The following MAGI2 variants were observed in gnomAD, a reference collection of about 807,000 sequenced individuals.
MAGI2 encodes membrane associated guanylate kinase, WW and PDZ domain containing 2.
Under a neutral mutation model 133.3 loss-of-function variants are expected in MAGI2, and 35 were observed. The ratio of observed to expected loss-of-function variants is 0.26; its 90% CI spans 0.20 to 0.35. The LOEUF (loss-of-function observed/expected upper bound fraction) is 0.35, where lower values mean the gene tolerates loss of function less well. Among genes scored for constraint, MAGI2 ranks in the 10% least tolerant of loss-of-function variants. MAGI2 has a pLI of 1.00. For synonymous variants in MAGI2, 729 were observed against 710.6 expected (o/e 1.03, Z -0.41); for missense variants, 1,636 against 1,863.4 (o/e 0.88, Z 2.25).
intron 14 of MAGI2, among the ~76,000 whole-genome samples, chr7:78,175,974 T>G (rs1471089608): frequency 6.6e-6 from 1 of 152,150 alleles, no homozygotes; most frequent in Middle Eastern, 3.2e-3. Flanking sequence ...GTGCGTTAAA[T>G]GCTTACAGAT....
chr7:78,325,813 G>A (rs1056914797), intron 9 of MAGI2, among the ~76,000 whole-genome samples: 5 of 152,192 alleles, frequency 3.3e-5, no homozygotes, highest in African/African-American at 1.2e-4. Context: ...AGAACTAGAA[G>A]GGATGAGTCT....
chr7:78,918,526 A>G (rs4730569), intron 2 of MAGI2, among the ~76,000 whole-genome samples: 57,672 of 152,086 alleles, frequency 0.38, 13,095 homozygotes, highest in East Asian at 0.56. Flanking sequence ...TGCTCAATAA[A>G]CATTTAATGA....
At chr7:79,170,666 T>A (rs1825445040) in intron 1 of MAGI2, among the ~76,000 whole-genome samples, 1 of 152,244 alleles carries the variant, frequency 6.6e-6, no homozygotes, top group Non-Finnish European at 1.5e-5. Flanking sequence ...CATAGCTGAC[T>A]TAATTCAACA....
At chr7:78,255,804 T>G in intron 10 of MAGI2, 139 bp downstream of exon 10, 13 of 860,736 alleles carry the variant, frequency 1.5e-5, no homozygotes, top group Non-Finnish European at 2.0e-5. Context: ...AATTCATGTT[T>G]TTCTCTCTCA....
chr7:79,413,556 C>T (rs1229504632), intron 1 of MAGI2: 1 of 152,158 alleles, frequency 6.6e-6, no homozygotes, highest in Non-Finnish European at 1.5e-5. Context: ...GGGGACCCAC[C>T]ACTCCTTTAA....
intron 16 of MAGI2, among the ~76,000 whole-genome samples, chr7:78,142,416 C>T (rs2150560514): frequency 6.6e-6 from 1 of 152,126 alleles, no homozygotes; most frequent in Admixed American, 6.5e-5. Context: ...GGAAAGGAGC[C>T]AAAACAATCC....
chr7:79,071,860 G>A (rs150045320), intron 1 of MAGI2, among the ~76,000 whole-genome samples: 3 of 152,250 alleles, frequency 2.0e-5, no homozygotes, highest in East Asian at 1.9e-4. Context: ...TGCTAGTAGC[G>A]AAAATTTCAA....
chr7:79,298,444 A>T (rs1408500114), intron 1 of MAGI2, among the ~76,000 whole-genome samples: 1 of 152,166 alleles, frequency 6.6e-6, no homozygotes, highest in East Asian at 1.9e-4. Context: ...GAAAAACAAT[A>T]TTATGGCTGT....
At chr7:78,420,934 G>A (rs757319205) in intron 6 of MAGI2, among the ~76,000 whole-genome samples, 12 of 152,144 alleles carry the variant, frequency 7.9e-5, no homozygotes, top group East Asian at 1.9e-4. Context: ...AATAAAGTTC[G>A]AGTTGCACAG....
chr7:79,212,321 C>G lies in MAGI2; in HGVS notation c.302-205115G>C, dbSNP rs186983691. ...ATATAATCTTCAACAGATATTTTGG[C>G]TCATCTATTTTTTGCCAGCATGATT... is the stretch of plus-strand genomic sequence containing the variant. On this transcript the variant is annotated intron_variant, in intron 1 of 21. Coordinates refer to ENST00000354212, the MANE Select transcript of MAGI2 (RefSeq NM_012301.4). Among the ~76,000 whole-genome samples the G allele has an allele frequency of 9.9e-5, 15 of 152,064 alleles. 1 individual carries two copies. Among genetic ancestry groups the G allele is most frequent in the Admixed American group, 9.2e-4 (14 of 15,268 alleles).
chr7:78,742,880 C>G (rs1365681259), intron 2 of MAGI2, among the ~76,000 whole-genome samples: 3 of 152,172 alleles, frequency 2.0e-5, no homozygotes, highest in Non-Finnish European at 4.4e-5. Context: ...GATTGGGCTT[C>G]CCCACAGCAT....
In MAGI2 at chr7:78,019,967, G is replaced by T. The variant is rs1353220793; in HGVS notation, c.3716C>A (p.Ala1239Asp). ...GGCGGCAGCGGGAGAACTCCAGGGG[G>T]CGGGTTCGTCTGTGGACGGGAAGCA... is the stretch of plus-strand genomic sequence containing the variant. Reference protein sequence around the residue: ...TGQVPEYDEPAPWSSPAAAAP... With the variant: ...TGQVPEYDEPDPWSSPAAAAP... The change falls in exon 22 of 22, where the codon GCC (alanine) becomes GAC (aspartate). Residue 1239 changes from alanine (A) to aspartate (D), a missense_variant. Ala to Asp is a moderately radical substitution (Grantham distance 126). Coordinates refer to ENST00000354212, the MANE Select transcript of MAGI2 (RefSeq NM_012301.4). The T allele has an allele frequency of 1.9e-6, 3 of 1,605,378 alleles. No homozygotes were observed. The highest frequency in any genetic ancestry group is 2.5e-6 in the Non-Finnish European group (3 of 1,177,108).
At chr7:79,187,639 T>A (rs1207348413) in intron 1 of MAGI2, among the ~76,000 whole-genome samples, 2 of 151,920 alleles carry the variant, frequency 1.3e-5, no homozygotes, top group African/African-American at 4.8e-5. Flanking sequence ...AGATCTGAAT[T>A]GTTTTTACTT....
At chr7:79,355,811 T>G (rs1841984529) in intron 1 of MAGI2, among the ~76,000 whole-genome samples, 1 of 152,206 alleles carries the variant, frequency 6.6e-6, no homozygotes, top group African/African-American at 2.4e-5. Context: ...ATACATATGA[T>G]AAAACACAAT....
chr7:79,020,524 T>C (rs1442686756), intron 1 of MAGI2, among the ~76,000 whole-genome samples: 1 of 152,034 alleles, frequency 6.6e-6, no homozygotes, highest in African/African-American at 2.4e-5. Flanking sequence ...CCCAGCACTT[T>C]GTGAGGCGGA....
In MAGI2 at chr7:78,467,003, C is replaced by T. The variant is rs148628641; in HGVS notation, c.1045+22758G>A. Among the ~76,000 whole-genome samples the T allele has an allele frequency of 5.3e-3, 802 of 152,186 alleles. 4 individuals carry two copies. The highest frequency in any genetic ancestry group is 0.016 in the African/African-American group (648 of 41,516). ...ACAAAAGCACAGAATAAGCAAGTGGCGTTCCTAGTGGTAGGCACTATAAGT... is the reference window on the plus strand; with the variant it reads ...ACAAAAGCACAGAATAAGCAAGTGGTGTTCCTAGTGGTAGGCACTATAAGT... On this transcript the variant is annotated intron_variant, in intron 6 of 21. Transcript: ENST00000354212.
At chr7:78,577,793 C>T (rs1178382705) in intron 3 of MAGI2, among the ~76,000 whole-genome samples, 2 of 152,128 alleles carry the variant, frequency 1.3e-5, no homozygotes, top group Non-Finnish European at 1.5e-5. Context: ...GGTGGAATGT[C>T]ATCAGTTAAG....
chr7:78,572,791 T>G (rs1801645158), intron 3 of MAGI2, among the ~76,000 whole-genome samples: 1 of 151,720 alleles, frequency 6.6e-6, no homozygotes, highest in Non-Finnish European at 1.5e-5. Context: ...GCCACCCAAG[T>G]AGCTGGGATT....
At chr7:78,255,020 T>C (rs2150947986) in intron 10 of MAGI2, 1 of 152,358 alleles carries the variant, frequency 6.6e-6, no homozygotes, top group Non-Finnish European at 1.5e-5. Flanking sequence ...AATTGGCAAA[T>C]GGGAAAACCA....
Sources: allele counts gnomAD v4.1 joint callset (sites outside exome capture counted in the v4.1 genomes callset), GRCh38; gene constraint gnomAD v4.1.1; transcripts MANE v1.5; gene names NCBI Gene and HGNC (gene_info 2026-07-23, HGNC 2026-07-21).